RTN4: variants seen among roughly 807,000 people sequenced by gnomAD.
The protein encoded by RTN4 is reticulon-4.
In RTN4, 32 loss-of-function variants were observed where a neutral mutation model predicts 90.4. The observed-to-expected ratio is 0.35, with a 90% CI of 0.27 to 0.48. The LOEUF (loss-of-function observed/expected upper bound fraction) is 0.48, where lower values mean the gene tolerates loss of function less well. RTN4 is among the 20% of genes least tolerant of loss of function. The probability of loss-of-function intolerance (pLI) is 0.99; values close to 1 mark genes in which losing one functional copy is unlikely to be tolerated. For missense variants in RTN4, 1,706 were observed against 1,430.2 expected (o/e 1.19, Z -3.11); for synonymous variants, 629 against 552.5 (o/e 1.14, Z -1.94).
chr2:55,083,187 A>G (rs1411476270), intron 1 of RTN4, among the ~76,000 whole-genome samples: 2 of 152,218 alleles, frequency 1.3e-5, no homozygotes, highest in African/African-American at 2.4e-5. Context: ...GCTTGCTTAT[A>G]AATATAACAA....
At chr2:55,054,632 A>C (rs1668158236), upstream of RTN4, among the ~76,000 whole-genome samples, 1 of 152,178 alleles carries the variant, frequency 6.6e-6, no homozygotes, top group African/African-American at 2.4e-5. Context: ...GGACGTGAAC[A>C]CCAGAGTGGG....
chr2:55,052,272 G>C (rs1011102231), upstream of RTN4, among the ~76,000 whole-genome samples: 2 of 152,150 alleles, frequency 1.3e-5, no homozygotes, highest in African/African-American at 4.8e-5. Context: ...ACCTCAATGC[G>C]TTATGTTAAT....
Position 55,098,495 on chromosome 2 carries a change from C to T in RTN4, c.-214+14025G>A, listed in dbSNP as rs865827267. Reference sequence around the variant, plus strand: ...AATTCTCTTTTATCTTTACTTCCAACTCCATTGCATATTATTTTGAAGCAA... The same window carrying T: ...AATTCTCTTTTATCTTTACTTCCAATTCCATTGCATATTATTTTGAAGCAA... On this transcript the variant is annotated intron_variant, in intron 1 of 3. Transcript: ENST00000427710. Among the ~76,000 whole-genome samples, 6 of 152,168 alleles carry T rather than the reference C, an allele frequency of 3.9e-5. No individual in the cohort carries two copies. In the South Asian group the frequency reaches 1.2e-3, roughly 32 times the overall value.
chr2:55,118,164 A>G, the RTN4 span, among the ~76,000 whole-genome samples: 4 of 152,066 alleles, frequency 2.6e-5, no homozygotes, highest in African/African-American at 9.7e-5. Context: ...ATTTTGCCCC[A>G]TCTTTTAAAA....
intron 1 of RTN4, among the ~76,000 whole-genome samples, chr2:55,086,104 T>G (rs1165602497): frequency 6.6e-6 from 1 of 152,188 alleles, no homozygotes; most frequent in Non-Finnish European, 1.5e-5. Context: ...ACACAGGTCC[T>G]CAAGGATAGC....
At position 55,026,482 on chromosome 2, in the gene RTN4, A is replaced by T. The variant is rs1457243420; in HGVS notation, c.1617T>A (p.Thr539=). The T allele has an allele frequency of 1.9e-6, 3 of 1,613,950 alleles. No homozygotes were observed. The highest frequency in any genetic ancestry group is 4.5e-5 in the East Asian group (2 of 44,880). ...CAGGCATGTTTGCCACGACTTCCTC[A>T]GTCACCTTTGTTAAATTATCTGTTG... ...YVTTDNLTKV[T]EEVVANMPEG... is the part of the protein sequence containing the mutation. The change falls in exon 3 of 9, where the codon ACT becomes ACA. Residue 539 remains threonine, a synonymous_variant. Transcript: ENST00000337526.
At chr2:55,033,847 A>G (rs1472428853) in intron 1 of RTN4, among the ~76,000 whole-genome samples, 2 of 152,226 alleles carry the variant, frequency 1.3e-5, no homozygotes, top group African/African-American at 2.4e-5. Context: ...ACTGGGTTAT[A>G]TATCACCTCA....
chr2:54,991,259 A>G (rs1410919655), intron 3 of RTN4, among the ~76,000 whole-genome samples: 3 of 152,200 alleles, frequency 2.0e-5, no homozygotes, highest in Non-Finnish European at 2.9e-5. Flanking sequence ...CCATGAAATC[A>G]ATGACTTTAG....
In RTN4 at chr2:55,027,454, G is replaced by A. The variant is rs1681991109; in HGVS notation, c.645C>T (p.Asn215=). ...ENMDLKEQPG[N]TISAGQEDFP... is the part of the protein sequence containing the mutation. ...AATCCTCTTGACCAGCCGAAATAGT[G>A]TTACCTGGCTGCTCCTTCAAGTCCA... The change falls in exon 3 of 9, where the codon AAC becomes AAT. Residue 215 remains asparagine (N), a synonymous_variant. Coordinates refer to ENST00000337526, the MANE Select transcript of RTN4 (RefSeq NM_020532.5). 6.2e-7 allele frequency: 1 copy of A among 1,611,490 alleles called. No individual in the cohort carries two copies. Among genetic ancestry groups the A allele is most frequent in the South Asian group, 1.1e-5 (1 of 90,724 alleles).
At chr2:55,047,978 C>T (rs950744851) in intron 1 of RTN4, among the ~76,000 whole-genome samples, 1 of 152,186 alleles carries the variant, frequency 6.6e-6, no homozygotes, top group Non-Finnish European at 1.5e-5. Context: ...GCAATTCTGT[C>T]GTTGTGCAAA....
intron 3 of RTN4, among the ~76,000 whole-genome samples, chr2:55,019,181 T>A (rs1366636191): frequency 6.6e-6 from 1 of 152,154 alleles, no homozygotes; most frequent in Non-Finnish European, 1.5e-5. Flanking sequence ...GATAATTAAT[T>A]AGCTAATTAA....
chr2:55,018,606 T>C (rs1364504317), intron 3 of RTN4, among the ~76,000 whole-genome samples: 13 of 152,034 alleles, frequency 8.6e-5, no homozygotes, highest in Admixed American at 8.5e-4. Context: ...TGGATATAAA[T>C]AATGTATTGG....
At chr2:55,107,202 ATT>A (rs966362253) in intron 1 of RTN4, among the ~76,000 whole-genome samples, 5 of 146,624 alleles carry the variant, frequency 3.4e-5, no homozygotes, top group African/African-American at 1.0e-4. Flanking sequence ...AGTTGCGTGT[ATT>A]TTTTTTTTTC....
Position 55,026,732 on chromosome 2 carries a change from T to A in RTN4, c.1367A>T (p.Asp456Val). The change falls in exon 3 of 9, where the codon GAT (aspartate) becomes GTT (valine). Residue 456 changes from aspartate to valine, a missense_variant. Physicochemically the swap from Asp to Val is radical, Grantham distance 152 (BLOSUM62 -3). Transcript: ENST00000337526. ...ACATGTGATATATGCTCCTGAACGA[T>A]CCTTTATACCTTCTGGCGTACTGGG... ...SFPSTPEGIK[D>V]RSGAYITCAP... The A allele has an allele frequency of 1.2e-6, 2 of 1,613,924 alleles. No individual in the cohort carries two copies. Among genetic ancestry groups the A allele is most frequent in the Admixed American group, 3.3e-5 (2 of 59,994 alleles).
rs757205740 is a variant in RTN4, at chr2:55,025,148, T to C, written c.2951A>G (p.Asp984Gly). The change falls in exon 3 of 9, where the codon GAT becomes GGT. Residue 984 changes from aspartate (D) to glycine (G), a missense_variant. Physicochemically the swap from Asp to Gly is moderately conservative, Grantham distance 94 (BLOSUM62 -1). Transcript: ENST00000337526. Reference sequence around the variant, plus strand: ...TGGTGATCTGTCCTCTTTTTCTGTATCGGAAGGAAGTTTTTTCTCAGCTTC... The same window carrying C: ...TGGTGATCTGTCCTCTTTTTCTGTACCGGAAGGAAGTTTTTTCTCAGCTTC... ...VKEAEKKLPS[D>G]TEKEDRSPSA... 30 of 1,613,568 alleles carry C rather than the reference T, an allele frequency of 1.9e-5. No homozygotes were observed. Among genetic ancestry groups the C allele is most frequent in the Non-Finnish European group, 2.5e-5 (29 of 1,179,790 alleles).
chr2:55,096,105 T>C (rs541562908), intron 1 of RTN4, among the ~76,000 whole-genome samples: 1 of 152,210 alleles, frequency 6.6e-6, no homozygotes, highest in African/African-American at 2.4e-5. Context: ...GGCGGGTGGA[T>C]TACCTGAGGA....
intron 3 of RTN4, among the ~76,000 whole-genome samples, chr2:55,007,146 G>A (rs766422872): frequency 5.9e-5 from 9 of 152,084 alleles, no homozygotes; most frequent in Non-Finnish European, 1.0e-4. Context: ...CAAACTTCAT[G>A]TTGCCCCTTG....
chr2:55,017,175 A>G (rs1008335537), intron 3 of RTN4, among the ~76,000 whole-genome samples: 1 of 152,162 alleles, frequency 6.6e-6, no homozygotes, highest in Admixed American at 6.5e-5. Flanking sequence ...CTTACATCAA[A>G]ATTTTCCAAA....
intron 1 of RTN4, among the ~76,000 whole-genome samples, chr2:55,094,625 T>C (rs756572735): frequency 2.6e-5 from 4 of 152,028 alleles, no homozygotes; most frequent in African/African-American, 9.7e-5. Flanking sequence ...CCATGCTATG[T>C]GGAGTGACTG....
Sources: allele counts gnomAD v4.1 joint callset (sites outside exome capture counted in the v4.1 genomes callset), GRCh38; gene constraint gnomAD v4.1.1; transcripts MANE v1.5; gene names NCBI Gene and HGNC (gene_info 2026-07-23, HGNC 2026-07-21).